FLT1: variants seen among roughly 807,000 people sequenced by gnomAD.
FLT1 encodes vascular endothelial growth factor receptor 1.
A neutral mutation model predicts 156.3 loss-of-function variants in FLT1; 49 were observed. The observed-to-expected ratio is 0.31, with a 90% CI of 0.25 to 0.40. FLT1 has a LOEUF of 0.40. Among genes scored for constraint, FLT1 ranks in the 10% least tolerant of loss-of-function variants. The pLI is 1.00. For missense variants in FLT1, 1,322 were observed against 1,637.2 expected (o/e 0.81, Z 3.32); for synonymous variants, 594 against 583.8 (o/e 1.02, Z -0.25).
chr13:28,399,185 C>T (rs745681430), intron 11 of FLT1: 1 of 1,072,904 alleles, frequency 9.3e-7, no homozygotes, highest in Non-Finnish European at 1.3e-6. Flanking sequence ...AAGCTTAGAC[C>T]CTTCAAAGCA....
At chr13:28,315,713 T>C (rs948712426) in intron 25 of FLT1, among the ~76,000 whole-genome samples, 1 of 152,234 alleles carries the variant, frequency 6.6e-6, no homozygotes, top group Non-Finnish European at 1.5e-5. Context: ...TTGAGAACTT[T>C]CTCGAGATTT....
intron 3 of FLT1, among the ~76,000 whole-genome samples, chr13:28,449,300 G>T (rs1878790753): frequency 6.6e-6 from 1 of 152,118 alleles, no homozygotes. Flanking sequence ...TCAGTTCCTT[G>T]TTGGCAGTCC....
chr13:28,378,262 T>C (rs1312906412), intron 14 of FLT1, among the ~76,000 whole-genome samples: 1 of 152,180 alleles, frequency 6.6e-6, no homozygotes, highest in Admixed American at 6.5e-5. Context: ...TTGGCCAGGA[T>C]GGTCTCGATC....
intron 14 of FLT1, among the ~76,000 whole-genome samples, chr13:28,381,290 G>T (rs188588490): frequency 1.3e-5 from 2 of 152,230 alleles, no homozygotes; most frequent in African/African-American, 4.8e-5. Context: ...TGTGCGGTGG[G>T]TCACACCTGT....
At position 28,339,069 on chromosome 13, in the gene FLT1, T is replaced by A. The variant is rs1360418681; in HGVS notation, c.2488+99A>T. On this transcript the variant is annotated intron_variant, in intron 17 of 29. Transcript: ENST00000282397. Reference sequence around the variant, plus strand: ...GTCTGTGAGCAGCTGGAGGGTAGAATCCCAGGTCTAGTTTACTTTCGCATC... The same window carrying A: ...GTCTGTGAGCAGCTGGAGGGTAGAAACCCAGGTCTAGTTTACTTTCGCATC... 3.6e-6 allele frequency: 4 copies of A among 1,124,788 alleles called. No individual in the cohort carries two copies. The East Asian group carries it at 9.8e-5, about 28-fold the overall frequency. The allele number at this position is 1,124,788 out of a possible 1,614,324, so 69.7% of individuals were successfully genotyped here. A position where few individuals can be genotyped will look rare whatever the true frequency, so the allele number is the denominator to read the frequency against.
chr13:28,311,752 G>A lies in FLT1; in HGVS notation c.3493-20C>T, dbSNP rs756137527. 5.0e-6 allele frequency: 8 copies of A among 1,613,276 alleles called. No homozygotes were observed. The highest frequency in any genetic ancestry group is 3.3e-5 in the Admixed American group (2 of 59,996). On this transcript the variant is annotated intron_variant, in intron 26 of 29. Coordinates refer to ENST00000282397, the MANE Select transcript of FLT1 (RefSeq NM_002019.4). Reference sequence around the variant, plus strand: ...ACCATCCTAAAATACCAAAGGTAGAGCTCTCGTTGCACCAATTCTGACTTC... The same window carrying A: ...ACCATCCTAAAATACCAAAGGTAGAACTCTCGTTGCACCAATTCTGACTTC...
chr13:28,307,900 T>C (rs1870819934), intron 28 of FLT1, among the ~76,000 whole-genome samples: 1 of 152,184 alleles, frequency 6.6e-6, no homozygotes. Context: ...GCCTTCCTAG[T>C]AGCTGGGACT....
chr13:28,394,967 G>A (rs531767165), intron 12 of FLT1, among the ~76,000 whole-genome samples: 3 of 152,196 alleles, frequency 2.0e-5, no homozygotes, highest in African/African-American at 2.4e-5. Flanking sequence ...CATGGGGAGA[G>A]CTTAGATGTG....
In FLT1 at chr13:28,412,726, C is replaced by T. The variant is rs1055497369; in HGVS notation, c.1437-6832G>A. Among the ~76,000 whole-genome samples the T allele has an allele frequency of 8.5e-5, 12 of 141,550 alleles. No homozygotes were observed. In the South Asian group the frequency reaches 1.8e-3, roughly 21 times the overall value. 92.9% of individuals were successfully genotyped at this position (141,550 alleles called of 152,430 possible). ...GTGAGGCAACATCCCAGGCCCCTCA[C>T]GTTCTTTTTTTTTTTTTTTTTTTTT... On this transcript the variant is annotated intron_variant, in intron 10 of 29. Coordinates refer to ENST00000282397, the MANE Select transcript of FLT1 (RefSeq NM_002019.4).
intron 7 of FLT1, 95 bp from the exon 8 acceptor site, chr13:28,430,262 A>G (rs1243808353): frequency 1.9e-5 from 16 of 828,570 alleles, no homozygotes; most frequent in Non-Finnish European, 1.7e-5. Context: ...TCAATGAGTA[A>G]ATAAACAGAG....
At position 28,304,175 on chromosome 13, in the gene FLT1, G is replaced by A. The variant is rs191670759; in HGVS notation, c.3816-807C>T. The stretch of plus-strand genomic sequence containing the variant: ...TCTCAGAGTAGAGGATACAATTTAT[G>A]GTCTTCTTTAACAAATATCTAGATA... On this transcript the variant is annotated intron_variant, in intron 29 of 29. Coordinates refer to ENST00000282397, the MANE Select transcript of FLT1 (RefSeq NM_002019.4). 2.2e-4 allele frequency among the ~76,000 whole-genome samples: 34 copies of A among 152,228 alleles called. 1 individual carries two copies. Among genetic ancestry groups the A allele is most frequent in the Middle Eastern group, 3.4e-3 (1 of 294 alleles).
intron 29 of FLT1, 110 bp downstream of exon 29, chr13:28,306,568 G>C: frequency 1.2e-6 from 1 of 811,926 alleles, no homozygotes; most frequent in Non-Finnish European, 2.1e-6. Flanking sequence ...GGATACCACA[G>C]TTCAGGAGGG....
intron 24 of FLT1, among the ~76,000 whole-genome samples, chr13:28,318,913 C>T (rs1189767804): frequency 1.3e-5 from 2 of 152,176 alleles, no homozygotes; most frequent in Non-Finnish European, 2.9e-5. Flanking sequence ...ATTGCTTATC[C>T]TGTATAAACC....
rs371711879 is a variant in FLT1, at chr13:28,322,565, G to T, written c.2954-206C>A. 2.8e-6 allele frequency: 2 copies of T among 720,260 alleles called. No homozygotes were observed. Among genetic ancestry groups the T allele is most frequent in the African/African-American group, 1.7e-5 (1 of 57,492 alleles). The allele number at this position is 720,260 out of a possible 1,614,324, so 44.6% of individuals were successfully genotyped here. On this transcript the variant is annotated intron_variant, in intron 21 of 29. Coordinates refer to ENST00000282397, the MANE Select transcript of FLT1 (RefSeq NM_002019.4). The surrounding 1 kb of genome is among the most constrained non-coding windows in gnomAD (Gnocchi z 4.3). ...TATCCAAGCATGGGGGCAGGGGGATGATCCATTAAGATGAAAATCCCTGAG... is the reference window on the plus strand; with the variant it reads ...TATCCAAGCATGGGGGCAGGGGGATTATCCATTAAGATGAAAATCCCTGAG...
At chr13:28,467,394 A>C in intron 2 of FLT1, 127 bp downstream of exon 2, 1 of 715,836 alleles carries the variant, frequency 1.4e-6, no homozygotes, top group East Asian at 2.7e-5. Flanking sequence ...GGGAAGCTGG[A>C]TGCCTATGGT....
intron 6 of FLT1, among the ~76,000 whole-genome samples, chr13:28,433,218 T>C (rs1877802489): frequency 6.6e-6 from 1 of 152,194 alleles, no homozygotes; most frequent in African/African-American, 2.4e-5. Context: ...CATCTATACA[T>C]TTTTAAAACA....
intron 3 of FLT1, among the ~76,000 whole-genome samples, chr13:28,453,846 T>C (rs768816063): frequency 1.3e-5 from 2 of 152,214 alleles, no homozygotes; most frequent in Non-Finnish European, 2.9e-5. Flanking sequence ...TGCTGGGTCC[T>C]GGGGCTATCA....
chr13:28,320,329 A>G (rs1221086116), intron 23 of FLT1, among the ~76,000 whole-genome samples: 1 of 152,088 alleles, frequency 6.6e-6, no homozygotes, highest in Non-Finnish European at 1.5e-5. Context: ...TTATTTTTAC[A>G]AAGGATCAAT....
At chr13:28,397,541 A>T (rs565165786) in intron 11 of FLT1, among the ~76,000 whole-genome samples, 192 of 151,842 alleles carry the variant, frequency 1.3e-3, no homozygotes, top group Non-Finnish European at 1.7e-3. Flanking sequence ...GACAGAAGAT[A>T]ATGTTTGGCT....
Sources: allele counts gnomAD v4.1 joint callset (sites outside exome capture counted in the v4.1 genomes callset), GRCh38; gene constraint gnomAD v4.1.1; non-coding constraint Gnocchi (gnomAD v3.1); transcripts MANE v1.5; gene names NCBI Gene and HGNC (gene_info 2026-07-23, HGNC 2026-07-21).